IK: variants seen among roughly 807,000 people sequenced by gnomAD.
The protein encoded by IK is IK cytokine.
IK carries 47 observed loss-of-function variants against 90.9 expected under a neutral mutation model. The observed-to-expected ratio is 0.52, with a 90% confidence interval of 0.41 to 0.66. The LOEUF (loss-of-function observed/expected upper bound fraction) is 0.66. Among genes scored for constraint, IK ranks in the 30% least tolerant of loss-of-function variants. IK has a pLI of 0.00. For synonymous variants in IK, 201 were observed against 227.5 expected, an observed-to-expected ratio of 0.88 and a Z score of 1.05; for missense variants, 385 against 709.3, an observed-to-expected ratio of 0.54 and a Z score of 5.19.
chr5:140,653,285 T>TA, intron 5 of IK, 141 bp downstream of exon 5: 45 of 589,244 alleles, frequency 7.6e-5, no homozygotes, highest in Non-Finnish European at 1.0e-4. Flanking sequence ...AAAGGGCTGT[T>TA]CTTTTTTTTT....
chr5:140,648,042 G>GTGTGTGTGTGTGTGTA (rs879137324), intron 1 of IK, 118 bp downstream of exon 1: 17 of 471,498 alleles, frequency 3.6e-5, no homozygotes, highest in East Asian at 1.1e-4. Context: ...GTGTGTGTGT[G>GTGTGTGTGTGTGTGTA]TGTATGTATG....
At chr5:140,651,882 G>A in intron 3 of IK, 76 bp downstream of exon 3, 1 of 990,728 alleles carries the variant, frequency 1.0e-6, no homozygotes, top group Non-Finnish European at 1.6e-6. Context: ...TAAGTAGAAT[G>A]ACTTTTAATA....
At chr5:140,652,760 C>T (rs943885663) in intron 4 of IK, among the ~76,000 whole-genome samples, 3 of 152,082 alleles carry the variant, frequency 2.0e-5, no homozygotes, top group African/African-American at 7.2e-5. Context: ...TGGAGTGTCC[C>T]AAGTTGGCAC....
At chr5:140,659,916 T>A in intron 14 of IK, 82 bp downstream of exon 14, 1 of 1,037,926 alleles carries the variant, frequency 9.6e-7, no homozygotes. Context: ...TGCTCCCTCC[T>A]ACCCTGCCCC....
Position 140,661,597 on chromosome 5 carries a change from C to T in IK, c.1414-23C>T. 1.3e-6 allele frequency: 2 copies of T among 1,541,940 alleles called. No homozygotes were observed. The highest frequency in any genetic ancestry group is 8.9e-7 in the Non-Finnish European group (1 of 1,126,288). On this transcript the variant is annotated intron_variant, in intron 16 of 19. Transcript: ENST00000417647. The surrounding 1 kb of genome is among the most constrained non-coding windows in gnomAD (Gnocchi z 4.2). ...CCACTGACATCTCTTCCTTCCCCAT[C>T]CCCCGATTCTGTCCTGCAACAGGGT...
In IK at chr5:140,661,803, A is replaced by G. The variant is rs1757805715; in HGVS notation, c.1502+95A>G. ...GGTTAGAGGGTGTGGTCTGGCTGAG[A>G]TGTTCCCCACTAAGTTCTTTGCCCA... On this transcript the variant is annotated intron_variant, in intron 17 of 19. Transcript: ENST00000417647. The surrounding 1 kb of genome is among the most constrained non-coding windows in gnomAD (Gnocchi z 4.2). 2 of 1,404,906 alleles carry G rather than the reference A, an allele frequency of 1.4e-6. No homozygotes were observed. Among genetic ancestry groups the G allele is most frequent in the African/African-American group, 1.4e-5 (1 of 70,148 alleles). 87.0% of individuals were successfully genotyped at this position (1,404,906 alleles called of 1,614,324 possible).
chr5:140,651,231 C>T (rs893410972), intron 2 of IK, among the ~76,000 whole-genome samples: 2 of 152,042 alleles, frequency 1.3e-5, no homozygotes, highest in Non-Finnish European at 2.9e-5. Flanking sequence ...GTGGGCAGAT[C>T]ACCTGAGGTC....
At chr5:140,660,482 G>A (rs1757786228) in intron 15 of IK, 1 of 540,952 alleles carries the variant, frequency 1.8e-6, no homozygotes, top group Admixed American at 3.4e-5. Flanking sequence ...ATTTTTAGTA[G>A]AGATGAGGTT....
Position 140,661,605 on chromosome 5 carries a change from T to A in IK, c.1414-15T>A. 1 of 1,586,472 alleles carries A rather than the reference T, an allele frequency of 6.3e-7. No individual in the cohort carries two copies. Among genetic ancestry groups the A allele is most frequent in the South Asian group, 1.1e-5 (1 of 87,832 alleles). ...ATCTCTTCCTTCCCCATCCCCCGAT[T>A]CTGTCCTGCAACAGGGTAACAAGAA... On this transcript the variant is annotated splice_polypyrimidine_tract_variant and intron_variant, in intron 16 of 19. Coordinates refer to ENST00000417647, the MANE Select transcript of IK (RefSeq NM_006083.4). The surrounding 1 kb of genome is among the most constrained non-coding windows in gnomAD (Gnocchi z 4.2).
chr5:140,658,600 G>A (rs915783240), intron 10 of IK, 137 bp from the exon 11 acceptor site: 23 of 706,476 alleles, frequency 3.3e-5, no homozygotes, highest in African/African-American at 8.8e-5. Context: ...GATTACAGGC[G>A]TGAGCCACCG....
intron 15 of IK, 94 bp downstream of exon 15, chr5:140,660,289 C>CTTGTTTTTTTTTTTTTT (rs1387044855): frequency 3.6e-6 from 1 of 280,350 alleles, no homozygotes; most frequent in African/African-American, 6.2e-5. Context: ...CCCAGGGCTA[C>CTTGTTTTTTTTTTTTTT]TTCTTTTTTT....
At chr5:140,657,188 A>G (rs1382566906) in intron 9 of IK, among the ~76,000 whole-genome samples, 1 of 152,222 alleles carries the variant, frequency 6.6e-6, no homozygotes, top group Non-Finnish European at 1.5e-5. Flanking sequence ...GGGCGACAGA[A>G]TGAGACTCTG....
At chr5:140,653,599 C>T (rs1194939803) in intron 5 of IK, among the ~76,000 whole-genome samples, 1 of 147,608 alleles carries the variant, frequency 6.8e-6, no homozygotes, top group Admixed American at 6.8e-5. Context: ...CCCCCTTTCC[C>T]CCACCCCCTT....
rs147456437 is a variant in IK at position 140,660,914 on chromosome 5, G to A, written c.1413+99G>A. ...CTAAAAAATCTATCTCATTTACTGG[G>A]CCCCACCCTCCTTTAGCTGCAGCAG... On this transcript the variant is annotated intron_variant, in intron 16 of 19. Transcript: ENST00000417647. The A allele has an allele frequency of 1.0e-3, 911 of 881,422 alleles. 3 individuals are homozygous for A. The African/African-American group carries it at 0.013, about 13-fold the overall frequency. 54.6% of individuals were successfully genotyped at this position (881,422 alleles called of 1,614,324 possible). A position where few individuals can be genotyped will look rare whatever the true frequency, so the allele number is the denominator to read the frequency against.
chr5:140,655,781 G>C, intron 8 of IK, 48 bp from the exon 9 acceptor site: 1 of 1,580,718 alleles, frequency 6.3e-7, no homozygotes, highest in Non-Finnish European at 8.6e-7. Context: ...ATAAGTGACA[G>C]CTGTTCTTGT....
At chr5:140,651,484 C>A (rs545573039) in intron 2 of IK, among the ~76,000 whole-genome samples, 1 of 150,588 alleles carries the variant, frequency 6.6e-6, no homozygotes, top group Admixed American at 6.6e-5. Context: ...TCCCTATAAT[C>A]CCAGCACTTT....
At chr5:140,648,775 C>A in intron 2 of IK, 1 of 515,738 alleles carries the variant, frequency 1.9e-6, no homozygotes, top group Non-Finnish European at 3.4e-6. Context: ...TGTGTAATTA[C>A]ACATTATATA....
At chr5:140,653,350 G>C (rs1351950204) in intron 5 of IK, among the ~76,000 whole-genome samples, 2 of 149,302 alleles carry the variant, frequency 1.3e-5, no homozygotes, top group Non-Finnish European at 3.0e-5. Context: ...GCAGTGGCAC[G>C]ATCTTGGCTC....
intron 15 of IK, 69 bp from the exon 16 acceptor site, chr5:140,660,689 C>T (rs928724530): frequency 3.6e-5 from 44 of 1,231,054 alleles, no homozygotes; most frequent in East Asian, 4.7e-5. Flanking sequence ...ACCTCTTAGT[C>T]GGGTAGGTTT....
Sources: gnomAD v4.1 joint callset for allele counts (sites outside exome capture counted in the v4.1 genomes callset) on GRCh38, gnomAD v4.1.1 for gene constraint, Gnocchi (gnomAD v3.1) non-coding constraint, MANE v1.5 for transcripts, NCBI Gene and HGNC (gene_info 2026-07-23, HGNC 2026-07-21) for gene names.